LOXL4: variants seen among roughly 807,000 people sequenced by gnomAD.
LOXL4 encodes the protein lysyl oxidase like 4.
LOXL4 carries 72 observed loss-of-function variants against 89.1 expected under a neutral mutation model. The observed-to-expected ratio is 0.81, with a 90% CI of 0.67 to 0.98. The LOEUF (loss-of-function observed/expected upper bound fraction) is 0.98. LOXL4 is among the 50% of genes least tolerant of loss of function. The pLI is 0.00. For synonymous variants in LOXL4, 355 were observed against 392.1 expected, an observed-to-expected ratio of 0.91 and a Z score of 1.12; for missense variants, 984 against 1,017.5, an observed-to-expected ratio of 0.97 and a Z score of 0.45.
At position 98,253,554 on chromosome 10, in the gene LOXL4, T is replaced by C; in HGVS notation, c.1834A>G (p.Arg612Gly). The C allele has an allele frequency of 6.2e-7, 1 of 1,614,250 alleles. No homozygotes were observed. The highest frequency in any genetic ancestry group is 8.5e-7 in the Non-Finnish European group (1 of 1,180,052). ...RDSWVWHQCH[R>G]HYHSIEVFTH... ...GCCAATGCATGGGCAGGCTCTAACC[T>C]GTGGCACTGGTGCCAAACCCAGCTA... is the stretch of plus-strand genomic sequence containing the variant. Residue 612 changes from arginine (R) to glycine (G), a missense_variant and splice_region_variant, in exon 11 of 15, where the codon AGG (arginine) becomes GGG (glycine). Transcript: ENST00000260702.
chr10:98,252,847 A>G (rs1434916579), intron 11 of LOXL4, among the ~76,000 whole-genome samples: 2 of 152,220 alleles, frequency 1.3e-5, no homozygotes, highest in African/African-American at 4.8e-5. Flanking sequence ...GCCTGGGACC[A>G]AATTGCTACC....
In LOXL4 at chr10:98,262,944, A is replaced by G. The variant is rs1213504983; in HGVS notation, c.76T>C (p.Ser26Pro). The G allele has an allele frequency of 6.2e-7, 1 of 1,613,574 alleles. No individual in the cohort carries two copies. Among genetic ancestry groups the G allele is most frequent in the African/African-American group, 1.3e-5 (1 of 74,900 alleles). ...AGCCGGAGCTTAGTGGTGCCCAGTG[A>G]CTGTGGCCTGCTGGGAGGGGGCTGG... ...LGQPPPSRPQ[S>P]LGTTKLRLVG... is the part of the protein sequence containing the mutation. The change falls in exon 2 of 15, where the codon TCA becomes CCA. Residue 26 changes from serine (S) to proline (P), a missense_variant. By Grantham distance (74) the Ser-to-Pro change is moderately conservative. Coordinates refer to ENST00000260702, the MANE Select transcript of LOXL4 (RefSeq NM_032211.7).
At chr10:98,263,080 C>A in intron 1 of LOXL4, 29 bp from the exon 2 acceptor site, 2 of 1,570,152 alleles carry the variant, frequency 1.3e-6, no homozygotes, top group South Asian at 2.3e-5. Context: ...TGACAGTGAT[C>A]ACCACCTCTA....
chr10:98,259,342 C>G lies in LOXL4; in HGVS notation c.701+49G>C, dbSNP rs749660429. 1.9e-6 allele frequency: 3 copies of G among 1,604,504 alleles called. No individual in the cohort carries two copies. In the East Asian group the frequency reaches 6.7e-5, roughly 36 times the overall value. On this transcript the variant is annotated intron_variant, in intron 5 of 14. Coordinates refer to ENST00000260702, the MANE Select transcript of LOXL4 (RefSeq NM_032211.7). The stretch of plus-strand genomic sequence containing the variant: ...GAGGGTAGGGGATGGGATAGAGGCC[C>G]TTCATGCCACACCCCTTTGCCTCCT...
In LOXL4 at chr10:98,255,634, G is replaced by A. The variant is rs1180617385; in HGVS notation, c.1534C>T (p.Pro512Ser). 1.2e-6 allele frequency: 2 copies of A among 1,613,480 alleles called. No homozygotes were observed. The change falls in exon 10 of 15, where the codon CCG becomes TCG. Residue 512 changes from proline (P) to serine (S), a missense_variant. By Grantham distance (74) the Pro-to-Ser change is moderately conservative. Transcript: ENST00000260702. ...LALQQCQRHG[P>S]VHCSHGGGRF... ...CCGCCACCGTGGGAGCAGTGCACCGGCCCGTGCCTCTGGCACTGCTGCAGG... is the reference window on the plus strand; with the variant it reads ...CCGCCACCGTGGGAGCAGTGCACCGACCCGTGCCTCTGGCACTGCTGCAGG...
chr10:98,251,942 T>C, intron 12 of LOXL4: 2 of 552,160 alleles, frequency 3.6e-6, no homozygotes, highest in South Asian at 4.8e-5. Flanking sequence ...ATTCCAACGC[T>C]CCCGTGCTAA....
chr10:98,255,517 C>T (rs1858332068), intron 10 of LOXL4, 60 bp downstream of exon 10: 1 of 1,533,598 alleles, frequency 6.5e-7, no homozygotes, highest in Non-Finnish European at 8.9e-7. Context: ...ATGCAGGGCC[C>T]TCCCTGAAGG....
At chr10:98,258,399 C>T (rs1264618153) in intron 6 of LOXL4, among the ~76,000 whole-genome samples, 1 of 151,962 alleles carries the variant, frequency 6.6e-6, no homozygotes, top group Non-Finnish European at 1.5e-5. Flanking sequence ...ATCAAGGATG[C>T]CGTCTCAAGT....
At chr10:98,251,358 G>C (rs2135823115) in intron 13 of LOXL4, among the ~76,000 whole-genome samples, 182 bp from the exon 14 acceptor site, 1 of 152,360 alleles carries the variant, frequency 6.6e-6, no homozygotes, top group South Asian at 2.1e-4. Flanking sequence ...CTGAGAAACT[G>C]ATTTATCCAG....
intron 7 of LOXL4, 53 bp from the exon 8 acceptor site, chr10:98,257,857 CT>C (rs1858424949): frequency 1.3e-6 from 2 of 1,585,346 alleles, no homozygotes; most frequent in South Asian, 2.3e-5. Flanking sequence ...TAACCCCACA[CT>C]TGTGGCTTCC....
intron 1 of LOXL4, among the ~76,000 whole-genome samples, chr10:98,264,712 A>G (rs1277315037): frequency 6.6e-6 from 1 of 152,134 alleles, no homozygotes. Flanking sequence ...TCAGCTGGTT[A>G]GAGCTGTCAG....
intron 1 of LOXL4, among the ~76,000 whole-genome samples, chr10:98,267,536 T>C (rs1349634107): frequency 6.6e-6 from 1 of 152,148 alleles, no homozygotes; most frequent in Admixed American, 6.5e-5. Context: ...GTTGGGCAGC[T>C]CTTCTCAGCA....
rs948279372 is a variant in LOXL4 at position 98,258,891 on chromosome 10, C to T, written c.921+118G>A. ...TTCTACAGTTCTGTGATTCACTCTC[C>T]TCCTCCCAGTCTGGTTCCTCTCTCC... On this transcript the variant is annotated intron_variant, in intron 6 of 14. Coordinates refer to ENST00000260702, the MANE Select transcript of LOXL4 (RefSeq NM_032211.7). 7.1e-6 allele frequency: 5 copies of T among 704,538 alleles called. No homozygotes were observed. The African/African-American group carries it at 7.2e-5, about 10-fold the overall frequency. The allele number at this position is 704,538 out of a possible 1,614,324, so 43.6% of individuals were successfully genotyped here. A position where few individuals can be genotyped will look rare whatever the true frequency, so the allele number is the denominator to read the frequency against.
intron 6 of LOXL4, among the ~76,000 whole-genome samples, chr10:98,258,779 T>A (rs1858453273): frequency 6.6e-6 from 1 of 152,208 alleles, no homozygotes; most frequent in South Asian, 2.1e-4. Flanking sequence ...TTACTGTTTT[T>A]ACGGTCACCT....
At chr10:98,258,275 A>G in intron 6 of LOXL4, 111 bp from the exon 7 acceptor site, 1 of 1,130,396 alleles carries the variant, frequency 8.8e-7, no homozygotes, top group South Asian at 1.6e-5. Context: ...GGCGGTGGCC[A>G]GAGCCAAGGA....
In LOXL4 at chr10:98,255,829, C is replaced by G. The variant is rs1858345861; in HGVS notation, c.1429-90G>C. 4 of 1,475,240 alleles carry G rather than the reference C, an allele frequency of 2.7e-6. No individual in the cohort carries two copies. In the African/African-American group the frequency reaches 4.2e-5, roughly 15 times the overall value. 91.4% of individuals were successfully genotyped at this position (1,475,240 alleles called of 1,614,324 possible). A position where few individuals can be genotyped will look rare whatever the true frequency, so the allele number is the denominator to read the frequency against. On this transcript the variant is annotated intron_variant, in intron 9 of 14. Transcript: ENST00000260702. The stretch of plus-strand genomic sequence containing the variant: ...AGGTGTGGCCTCAGTCATACCACCC[C>G]CACCGGGTTGTGTCCAGCCTGGGCC...
At position 98,256,939 on chromosome 10, in the gene LOXL4, C is replaced by A; in HGVS notation, c.1269G>T (p.Leu423Phe). 1 of 1,614,004 alleles carries A rather than the reference C, an allele frequency of 6.2e-7. No individual in the cohort carries two copies. The highest frequency in any genetic ancestry group is 8.5e-7 in the Non-Finnish European group (1 of 1,179,958). ...CCTCCTCAGGGATACGCCCACCAGCCAAGCGCACCTGCAATGGCGAGGGGT... is the reference window on the plus strand; with the variant it reads ...CCTCCTCAGGGATACGCCCACCAGCAAAGCGCACCTGCAATGGCGAGGGGT... ...PNMGFQNQVR[L>F]AGGRIPEEGL... is the part of the protein sequence containing the mutation. The change falls in exon 9 of 15, where the codon TTG (leucine) becomes TTT (phenylalanine). Residue 423 changes from leucine to phenylalanine, a missense_variant. Physicochemically the swap from Leu to Phe is conservative, Grantham distance 22 (BLOSUM62 0). Transcript: ENST00000260702.
At chr10:98,251,349 T>G (rs992577473) in intron 13 of LOXL4, among the ~76,000 whole-genome samples, 173 bp from the exon 14 acceptor site, 1 of 152,260 alleles carries the variant, frequency 6.6e-6, no homozygotes, top group Non-Finnish European at 1.5e-5. Flanking sequence ...AAGTCCCAAC[T>G]GAGAAACTGA....
rs538945915 is a variant in LOXL4, at chr10:98,248,858, A to C, written c.*63T>G. On this transcript the variant is annotated 3_prime_UTR_variant, in exon 15 of 15. Transcript: ENST00000260702. ...TCTGAGTTGGGACTCTGTGAAGGGC[A>C]TGGCTCCAATAAGCTGAGGTATCTG... 6 of 1,452,638 alleles carry C rather than the reference A, an allele frequency of 4.1e-6. No individual in the cohort carries two copies. The South Asian group carries it at 7.2e-5, about 17-fold the overall frequency. The allele number at this position is 1,452,638 out of a possible 1,614,324, so 90.0% of individuals were successfully genotyped here.
Sources: gnomAD v4.1 joint callset for allele counts (sites outside exome capture counted in the v4.1 genomes callset) on GRCh38, gnomAD v4.1.1 for gene constraint, MANE v1.5 for transcripts, NCBI Gene and HGNC (gene_info 2026-07-23, HGNC 2026-07-21) for gene names.